Variants in PIGR observed in about 807,000 individuals in gnomAD.
The protein encoded by PIGR is polymeric immunoglobulin receptor, also known as hepatocellular carcinoma associated protein TB6.
Under a neutral mutation model 69.5 loss-of-function variants are expected in PIGR, and 22 were observed. That is an observed-to-expected ratio of 0.32 (90% confidence interval 0.23 to 0.45). The LOEUF (loss-of-function observed/expected upper bound fraction) is 0.45, where lower values mean the gene tolerates loss of function less well. Among genes scored for constraint, PIGR ranks in the 20% least tolerant of loss-of-function variants. The pLI, the probability that PIGR is intolerant of heterozygous loss-of-function variation, is 1.00. For missense variants in PIGR, 885 were observed against 974.0 expected (o/e 0.91, Z 1.22); for synonymous variants, 413 against 407.6 (o/e 1.01, Z -0.16).
chr1:206,939,187 C>A lies in PIGR; in HGVS notation c.320G>T (p.Arg107Leu), dbSNP rs533610297. 1 of 1,614,186 alleles carries A rather than the reference C, an allele frequency of 6.2e-7. No individual in the cohort carries two copies. Among genetic ancestry groups the A allele is most frequent in the East Asian group, 2.2e-5 (1 of 44,884 alleles). The part of the protein sequence containing the change: ...IAQLSQDDSG[R>L]YKCGLGINSR... ...ATTGATGCCCAGGCCACACTTGTAGCGCCCGGAGTCATCCTGGCTCAGCTG... is the reference window on the plus strand; with the variant it reads ...ATTGATGCCCAGGCCACACTTGTAGAGCCCGGAGTCATCCTGGCTCAGCTG... The change falls in exon 3 of 11, where the codon CGC (arginine) becomes CTC (leucine). Residue 107 changes from arginine (R) to leucine (L), a missense_variant. By Grantham distance (102) the Arg-to-Leu change is moderately radical. Transcript: ENST00000356495.
rs1042635371 is a variant in PIGR at position 206,930,102 on chromosome 1, A to AGTGG, written c.*212_*215dup. On this transcript the variant is annotated 3_prime_UTR_variant, in exon 11 of 11. Coordinates refer to ENST00000356495, the MANE Select transcript of PIGR (RefSeq NM_002644.4). This position sits in a 1 kb window ranked among gnomAD's most constrained non-coding sequence, Gnocchi z 4.3. ...GTTCTCTCAACAGAAAGAAGTTGCAAGTGGGACCTCCTCATGCCACCCTCA... is the reference window on the plus strand; with the variant it reads ...GTTCTCTCAACAGAAAGAAGTTGCAAGTGGGTGGGACCTCCTCATGCCACCCTCA... 2.5e-5 allele frequency: 11 copies of AGTGG among 442,758 alleles called. No homozygotes were observed. Among genetic ancestry groups the AGTGG allele is most frequent in the African/African-American group, 2.0e-4 (10 of 49,916 alleles). The allele number at this position is 442,758 out of a possible 1,614,324, so 27.4% of individuals were successfully genotyped here. A position where few individuals can be genotyped will look rare whatever the true frequency, so the allele number is the denominator to read the frequency against.
chr1:206,935,441 G>A lies in PIGR; in HGVS notation c.1378+45C>T, dbSNP rs769458483. On this transcript the variant is annotated intron_variant, in intron 5 of 10. Coordinates refer to ENST00000356495, the MANE Select transcript of PIGR (RefSeq NM_002644.4). This position sits in a 1 kb window ranked among gnomAD's most constrained non-coding sequence, Gnocchi z 4.4. ...AAGAGTGGTTGGGGATGCTGCTGCT[G>A]GCTGGAGAGGTTTTAGAGCTTTCTC... is the stretch of plus-strand genomic sequence containing the variant. The A allele has an allele frequency of 2.0e-6, 3 of 1,492,154 alleles. No homozygotes were observed. Among genetic ancestry groups the A allele is most frequent in the Admixed American group, 3.4e-5 (2 of 58,144 alleles). 92.4% of individuals were successfully genotyped at this position (1,492,154 alleles called of 1,614,324 possible).
Position 206,931,717 on chromosome 1 carries a change from C to T in PIGR, c.2094G>A (p.Met698Ile), listed in dbSNP as rs1158943296. The change falls in exon 9 of 11, where the codon ATG (methionine) becomes ATA (isoleucine). Residue 698 changes from methionine (M) to isoleucine (I), a missense_variant. Transcript: ENST00000356495. ...TCTCCTGAGTGATCGAAGAGGCTCC[C>T]ATGTTGTCATTGGCTCCAAATTCCC... is the stretch of plus-strand genomic sequence containing the variant. Reference protein sequence around the residue: ...NSREFGANDNMGASSITQETS... With the variant: ...NSREFGANDNIGASSITQETS... 3 of 1,614,040 alleles carry T rather than the reference C, an allele frequency of 1.9e-6. No homozygotes were observed. Among genetic ancestry groups the T allele is most frequent in the Non-Finnish European group, 2.5e-6 (3 of 1,180,024 alleles).
chr1:206,934,512 T>C lies in PIGR; in HGVS notation c.1613A>G (p.Asp538Gly), dbSNP rs377224554. The C allele has an allele frequency of 1.8e-5, 29 of 1,614,112 alleles. No homozygotes were observed. The highest frequency in any genetic ancestry group is 2.2e-5 in the Non-Finnish European group (26 of 1,180,046). ...CACTCCACACCAGTACCAGCCCTCA[T>C]CAGCCCTGGTCACCAGGTTCAGGGT... Reference protein sequence around the residue: ...SLTLNLVTRADEGWYWCGVKQ... With the variant: ...SLTLNLVTRAGEGWYWCGVKQ... The change falls in exon 6 of 11, where the codon GAT becomes GGT. Residue 538 changes from aspartate to glycine, a missense_variant. Coordinates refer to ENST00000356495, the MANE Select transcript of PIGR (RefSeq NM_002644.4).
intron 3 of PIGR, 96 bp downstream of exon 3, chr1:206,939,023 A>T: frequency 9.0e-7 from 1 of 1,106,110 alleles, no homozygotes; most frequent in Non-Finnish European, 1.3e-6. Context: ...ACCCGGCTAC[A>T]CATCCTTGTC....
chr1:206,933,892 T>C (rs914856102), intron 6 of PIGR, among the ~76,000 whole-genome samples: 5 of 150,302 alleles, frequency 3.3e-5, no homozygotes, highest in African/African-American at 4.9e-5. Context: ...TTTTTTGAAA[T>C]GGAATCTAGC....
rs747045793 is a variant in PIGR, at chr1:206,930,350, C to A, written c.2263G>T (p.Ala755Ser). The A allele has an allele frequency of 6.2e-7, 1 of 1,611,510 alleles. No homozygotes were observed. The highest frequency in any genetic ancestry group is 8.5e-7 in the Non-Finnish European group (1 of 1,178,740). Residue 755 changes from alanine (A) to serine (S), a missense_variant, in exon 11 of 11, where the codon GCC becomes TCC. Physicochemically the swap from Ala to Ser is moderately conservative, Grantham distance 99. Coordinates refer to ENST00000356495, the MANE Select transcript of PIGR (RefSeq NM_002644.4). This position sits in a 1 kb window ranked among gnomAD's most constrained non-coding sequence, Gnocchi z 4.3. ...TCCTGGGGGCCGTCCTGGGCCTCGGCGGCCACGGTGCTGGACTGGAGCAGG... is the reference window on the plus strand; with the variant it reads ...TCCTGGGGGCCGTCCTGGGCCTCGGAGGCCACGGTGCTGGACTGGAGCAGG... ...DFLLQSSTVAAEAQDGPQEA is the reference protein window; with the variant it reads ...DFLLQSSTVASEAQDGPQEA
chr1:206,930,896 C>A lies in PIGR; in HGVS notation c.2200-483G>T. On this transcript the variant is annotated intron_variant, in intron 10 of 10. Transcript: ENST00000356495. The surrounding 1 kb of genome is among the most constrained non-coding windows in gnomAD (Gnocchi z 4.3). ...GTAGATATGATAAAAACAACAACAA[C>A]AACAACAAAAACTCTCACCTCGGGA... The A allele has an allele frequency of 1.0e-6, 1 of 985,456 alleles. No individual in the cohort carries two copies. The highest frequency in any genetic ancestry group is 1.2e-6 in the Non-Finnish European group (1 of 829,942). 61.0% of individuals were successfully genotyped at this position (985,456 alleles called of 1,614,324 possible).
chr1:206,941,475 C>G (rs1314354228), intron 1 of PIGR, among the ~76,000 whole-genome samples: 1 of 152,164 alleles, frequency 6.6e-6, no homozygotes, highest in African/African-American at 2.4e-5. Flanking sequence ...TTTATATGTT[C>G]CCTTGAAATA....
Position 206,937,109 on chromosome 1 carries a change from A to G in PIGR, c.1031T>C (p.Leu344Pro). 6.3e-7 allele frequency: 1 copy of G among 1,598,566 alleles called. No individual in the cohort carries two copies. The highest frequency in any genetic ancestry group is 8.5e-7 in the Non-Finnish European group (1 of 1,172,276). Residue 344 changes from leucine to proline, a missense_variant, in exon 4 of 11, where the codon CTC (leucine) becomes CCC (proline). Leu to Pro is a moderately conservative substitution (Grantham distance 98). Transcript: ENST00000356495. ...QEGSPIQAWQ[L>P]FVNEESTIPR... ...TAGGGTCTTACCCTCATTGACGAAG[A>G]GTTGCCAGGCCTGGATAGGCGAGCC...
intron 2 of PIGR, among the ~76,000 whole-genome samples, chr1:206,939,813 G>A (rs546721129): frequency 3.9e-5 from 6 of 152,092 alleles, no homozygotes; most frequent in Admixed American, 1.3e-4. Flanking sequence ...TGCAACCTCC[G>A]CTTCCCAGGT....
intron 10 of PIGR, chr1:206,931,256 C>T (rs1679741198): frequency 1.0e-6 from 1 of 985,440 alleles, no homozygotes; most frequent in African/African-American, 1.7e-5. Context: ...CTCTCTCCTG[C>T]AGTTTTACAG....
In PIGR at chr1:206,940,478, G is replaced by T. The variant is rs576351149; in HGVS notation, c.43+11C>A. 2 of 1,551,372 alleles carry T rather than the reference G, an allele frequency of 1.3e-6. No homozygotes were observed. Among genetic ancestry groups the T allele is most frequent in the East Asian group, 4.9e-5 (2 of 40,904 alleles). On this transcript the variant is annotated intron_variant, in intron 2 of 10. Coordinates refer to ENST00000356495, the MANE Select transcript of PIGR (RefSeq NM_002644.4). ...GGTGGAGCTTGGAGAGTTGGGGCCT[G>T]GCAGACACACCTGGGAAGACCGCCA... is the stretch of plus-strand genomic sequence containing the variant.
In PIGR at chr1:206,934,679, A is replaced by G; in HGVS notation, c.1446T>C (p.Cys482=). The part of the protein sequence containing the change: ...AVLGETLKVP[C]HFPCKFSSYE... ...ACGAGGAGAATTTGCATGGAAAGTG[A>G]CAGGGGACCTTGAGAGTCTCTCCCA... The change falls in exon 6 of 11, where the codon TGT becomes TGC. Residue 482 remains cysteine, a synonymous_variant. Coordinates refer to ENST00000356495, the MANE Select transcript of PIGR (RefSeq NM_002644.4). 6.2e-7 allele frequency: 1 copy of G among 1,613,692 alleles called. No homozygotes were observed. Among genetic ancestry groups the G allele is most frequent in the Non-Finnish European group, 8.5e-7 (1 of 1,180,018 alleles).
intron 1 of PIGR, among the ~76,000 whole-genome samples, chr1:206,945,644 T>A (rs992244894): frequency 3.3e-5 from 5 of 151,980 alleles, no homozygotes; most frequent in Admixed American, 3.3e-4. Flanking sequence ...CAAAGCGAGG[T>A]GGAATTGCAA....
intron 6 of PIGR, among the ~76,000 whole-genome samples, chr1:206,933,370 C>G (rs1023065810): frequency 1.3e-5 from 2 of 152,140 alleles, no homozygotes; most frequent in African/African-American, 4.8e-5. Context: ...CCCATTACTA[C>G]CAAAAGTATA....
At position 206,937,154 on chromosome 1, in the gene PIGR, G is replaced by A. The variant is rs566065599; in HGVS notation, c.986C>T (p.Ser329Leu). The A allele has an allele frequency of 4.9e-5, 79 of 1,613,402 alleles. No individual in the cohort carries two copies. The highest frequency in any genetic ancestry group is 1.7e-4 in the Middle Eastern group (1 of 6,056). ...DAGRYLCGAH[S>L]DGQLQEGSPI... The stretch of plus-strand genomic sequence containing the variant: ...CGAGCCTTCCTGCAGCTGACCATCC[G>A]AATGGGCTCCACACAGGTAGCGCCC... Residue 329 changes from serine to leucine, a missense_variant, in exon 4 of 11, where the codon TCG becomes TTG. Transcript: ENST00000356495.
Position 206,930,770 on chromosome 1 carries a change from C to T in PIGR, c.2200-357G>A, listed in dbSNP as rs898971012. 1.0e-6 allele frequency: 1 copy of T among 985,362 alleles called. No individual in the cohort carries two copies. Among genetic ancestry groups the T allele is most frequent in the Non-Finnish European group, 1.2e-6 (1 of 829,926 alleles). 61.0% of individuals were successfully genotyped at this position (985,362 alleles called of 1,614,324 possible). On this transcript the variant is annotated intron_variant, in intron 10 of 10. Transcript: ENST00000356495. The surrounding 1 kb of genome is among the most constrained non-coding windows in gnomAD (Gnocchi z 4.3). Reference sequence around the variant, plus strand: ...TGTATGTTTTTCTTTCTCCACCAGCCCAGACAGGTAGCTTTTTGGCACCAC... The same window carrying T: ...TGTATGTTTTTCTTTCTCCACCAGCTCAGACAGGTAGCTTTTTGGCACCAC...
chr1:206,945,137 G>A (rs1338422595), intron 1 of PIGR, among the ~76,000 whole-genome samples: 1 of 152,184 alleles, frequency 6.6e-6, no homozygotes, highest in Non-Finnish European at 1.5e-5. Flanking sequence ...ACATCCAGGG[G>A]CGGGACAAGG....
Sources: gnomAD v4.1 joint callset for allele counts (sites outside exome capture counted in the v4.1 genomes callset) on GRCh38, gnomAD v4.1.1 for gene constraint, Gnocchi (gnomAD v3.1) non-coding constraint, MANE v1.5 for transcripts, NCBI Gene and HGNC (gene_info 2026-07-23, HGNC 2026-07-21) for gene names.